The following SLC39A12 variants were observed in gnomAD, a reference collection of about 807,000 sequenced individuals.
SLC39A12 encodes zinc transporter ZIP12.
Under a neutral mutation model 71.1 loss-of-function variants are expected in SLC39A12, and 63 were observed. That is an observed-to-expected ratio of 0.89 (90% confidence interval 0.72 to 1.09). The LOEUF is 1.09. SLC39A12 is among the 50% of genes least tolerant of loss of function. SLC39A12 has a pLI of 0.00. For synonymous variants in SLC39A12, 351 were observed against 301.3 expected, an observed-to-expected ratio of 1.16 and a Z score of -1.71; for missense variants, 892 against 812.6, an observed-to-expected ratio of 1.10 and a Z score of -1.19.
At chr10:17,968,248 T>C (rs1834883940) in intron 4 of SLC39A12, among the ~76,000 whole-genome samples, 1 of 152,178 alleles carries the variant, frequency 6.6e-6, no homozygotes. Context: ...CTAATTGCGT[T>C]GGTTAATAAC....
chr10:18,033,698 G>C (rs1419833829), intron 12 of SLC39A12, among the ~76,000 whole-genome samples: 3 of 135,234 alleles, frequency 2.2e-5, no homozygotes, highest in Non-Finnish European at 3.2e-5. Context: ...GCTAGCTTTT[G>C]AATGTGTTTG....
rs188148584 is a variant in SLC39A12, at chr10:17,981,178, A to T, written c.925-134A>T. The T allele has an allele frequency of 4.4e-3, 2,931 of 660,876 alleles. 9 individuals carry two copies. Among genetic ancestry groups the T allele is most frequent in the Non-Finnish European group, 6.2e-3 (2,571 of 414,968 alleles). The allele number at this position is 660,876 out of a possible 1,614,324, so 40.9% of individuals were successfully genotyped here. ...CGTACAGCTGAAAGTTTGCAGGGAA[A>T]CACGTGTCGTACCGGCTTCATGTGT... On this transcript the variant is annotated intron_variant, in intron 5 of 12. Transcript: ENST00000377369.
chr10:17,953,297 C>G lies in SLC39A12; in HGVS notation c.21C>G (p.Leu7=), dbSNP rs1235027772. Reference sequence around the variant, plus strand: ...TGGAAATGTGCTTCCGGACAAAGCTCTCAGTATCCTGGGTGCCATTGTTTC... The same window carrying G: ...TGGAAATGTGCTTCCGGACAAAGCTGTCAGTATCCTGGGTGCCATTGTTTC... MCFRTK[L]SVSWVPLFLL... Residue 7 remains leucine, a synonymous_variant, in exon 2 of 13, where the codon CTC becomes CTG. Coordinates refer to ENST00000377369, the MANE Select transcript of SLC39A12 (RefSeq NM_001145195.2). 2.5e-6 allele frequency: 4 copies of G among 1,614,056 alleles called. No individual in the cohort carries two copies. Among genetic ancestry groups the G allele is most frequent in the Non-Finnish European group, 3.4e-6 (4 of 1,180,034 alleles).
chr10:18,015,835 T>C (rs1442285083), intron 12 of SLC39A12, among the ~76,000 whole-genome samples: 2 of 152,072 alleles, frequency 1.3e-5, no homozygotes, highest in African/African-American at 2.4e-5. Context: ...GTGGCTATTA[T>C]GCCTTGAATG....
chr10:17,975,560 C>T (rs936730104), intron 4 of SLC39A12, among the ~76,000 whole-genome samples: 1 of 152,036 alleles, frequency 6.6e-6, no homozygotes, highest in African/African-American at 2.4e-5. Flanking sequence ...GCAGAGTCCT[C>T]CCCACTCTTT....
intron 3 of SLC39A12, among the ~76,000 whole-genome samples, chr10:17,962,276 TATC>T (rs1166234312): frequency 6.6e-6 from 1 of 152,158 alleles, no homozygotes; most frequent in African/African-American, 2.4e-5. Flanking sequence ...AGTGATAAAT[TATC>T]ATTAGTTATT....
At position 18,042,906 on chromosome 10, in the gene SLC39A12, T is replaced by A. The variant is rs974802720; in HGVS notation, c.*73T>A. 6.1e-5 allele frequency: 79 copies of A among 1,301,340 alleles called. 3 individuals carry two copies. The South Asian group carries it at 1.4e-3, about 23-fold the overall frequency. 80.6% of individuals were successfully genotyped at this position (1,301,340 alleles called of 1,614,324 possible). On this transcript the variant is annotated 3_prime_UTR_variant, in exon 13 of 13. Coordinates refer to ENST00000377369, the MANE Select transcript of SLC39A12 (RefSeq NM_001145195.2). ...TTGTTTCTTTCATTGCACTCTATAA[T>A]GATTTTTAAATTAAGAATTTTTTAT...
At chr10:18,014,888 G>A (rs571250755) in intron 12 of SLC39A12, among the ~76,000 whole-genome samples, 8 of 152,282 alleles carry the variant, frequency 5.3e-5, no homozygotes, top group African/African-American at 1.7e-4. Context: ...CAGCTGTGAA[G>A]GGACAACCTA....
In SLC39A12 at chr10:17,991,068, C is replaced by T. The variant is rs1410526810; in HGVS notation, c.1270-83C>T. ...GAATGAAAATTAAATATATTCAACA[C>T]TGGGCCTACTATTTAATAGTTAAGT... On this transcript the variant is annotated intron_variant, in intron 7 of 12. Coordinates refer to ENST00000377369, the MANE Select transcript of SLC39A12 (RefSeq NM_001145195.2). The T allele has an allele frequency of 2.3e-6, 3 of 1,283,480 alleles. No homozygotes were observed. In the African/African-American group the frequency reaches 4.6e-5, roughly 20 times the overall value. The allele number at this position is 1,283,480 out of a possible 1,614,324, so 79.5% of individuals were successfully genotyped here. A position where few individuals can be genotyped will look rare whatever the true frequency, so the allele number is the denominator to read the frequency against.
chr10:18,034,125 C>T (rs1340996431), intron 12 of SLC39A12, among the ~76,000 whole-genome samples: 1 of 152,044 alleles, frequency 6.6e-6, no homozygotes, highest in Non-Finnish European at 1.5e-5. Flanking sequence ...AATGTATATT[C>T]TGTTGATTTG....
At chr10:18,040,177 T>C (rs1327822281) in intron 12 of SLC39A12, among the ~76,000 whole-genome samples, 1 of 152,216 alleles carries the variant, frequency 6.6e-6, no homozygotes, top group Non-Finnish European at 1.5e-5. Flanking sequence ...TTATCCACAT[T>C]CCATAGATTT....
At chr10:17,986,961 C>T (rs1358295165) in intron 6 of SLC39A12, among the ~76,000 whole-genome samples, 1 of 152,068 alleles carries the variant, frequency 6.6e-6, no homozygotes, top group East Asian at 1.9e-4. Flanking sequence ...GCTATAATCA[C>T]ACCACTCCAC....
chr10:17,964,549 G>A (rs573005255), intron 3 of SLC39A12, among the ~76,000 whole-genome samples: 1 of 152,284 alleles, frequency 6.6e-6, no homozygotes, highest in East Asian at 1.9e-4. Context: ...GTCTGAATGG[G>A]AATATGAATG....
intron 12 of SLC39A12, among the ~76,000 whole-genome samples, chr10:18,025,569 A>T (rs1019556950): frequency 2.0e-5 from 3 of 151,810 alleles, no homozygotes; most frequent in Non-Finnish European, 4.4e-5. Context: ...GAACTCATCA[A>T]TTTTTATGGC....
intron 2 of SLC39A12, among the ~76,000 whole-genome samples, chr10:17,953,981 A>ACC (rs1834475561): frequency 6.6e-6 from 1 of 152,182 alleles, no homozygotes; most frequent in African/African-American, 2.4e-5. Context: ...TTCTAATATT[A>ACC]TGCATGGCGG....
At chr10:17,984,912 T>C (rs1050017362) in intron 6 of SLC39A12, among the ~76,000 whole-genome samples, 1 of 152,226 alleles carries the variant, frequency 6.6e-6, no homozygotes, top group African/African-American at 2.4e-5. Flanking sequence ...CGGGAACAGA[T>C]GCTTAAAAGT....
At chr10:18,041,250 T>C (rs1837216675) in intron 12 of SLC39A12, among the ~76,000 whole-genome samples, 1 of 151,908 alleles carries the variant, frequency 6.6e-6, no homozygotes, top group Admixed American at 6.6e-5. Flanking sequence ...TTCACAAACA[T>C]GAAATAGTTG....
chr10:17,965,403 TA>T (rs1468539143), intron 3 of SLC39A12, 79 bp from the exon 4 acceptor site: 6 of 1,312,030 alleles, frequency 4.6e-6, no homozygotes, highest in African/African-American at 1.5e-5. Flanking sequence ...CTTATCCCTT[TA>T]GGGGGAAATT....
chr10:17,986,699 CT>C (rs1835406551), intron 6 of SLC39A12, among the ~76,000 whole-genome samples: 1 of 152,198 alleles, frequency 6.6e-6, no homozygotes, highest in Admixed American at 6.5e-5. Flanking sequence ...AATTTAAAAA[CT>C]TTTTGCCGCA....
Sources: gnomAD v4.1 joint callset for allele counts (sites outside exome capture counted in the v4.1 genomes callset) on GRCh38, gnomAD v4.1.1 for gene constraint, MANE v1.5 for transcripts, NCBI Gene and HGNC (gene_info 2026-07-23, HGNC 2026-07-21) for gene names.